The following IL1RAPL1 variants were observed in gnomAD, a reference collection of about 807,000 sequenced individuals.
IL1RAPL1 encodes interleukin-1 receptor accessory protein-like 1.
Under a neutral mutation model 48.4 loss-of-function variants are expected in IL1RAPL1, and 3 were observed. The ratio of observed to expected loss-of-function variants is 0.06; its 90% CI spans 0.03 to 0.16. The LOEUF is 0.16. Among genes scored for constraint, IL1RAPL1 ranks in the 10% least tolerant of loss-of-function variants. IL1RAPL1 has a pLI of 1.00. For missense variants in IL1RAPL1, 349 were observed against 530.6 expected (o/e 0.66, Z 3.36); for synonymous variants, 185 against 187.7 (o/e 0.99, Z 0.12).
At position 28,789,353 on chromosome X, in the gene IL1RAPL1, C is replaced by T. The variant is rs148886996; in HGVS notation, c.10C>T (p.Pro4Ser). The T allele has an allele frequency of 2.5e-6, 3 of 1,208,070 alleles. No homozygotes were observed. Among genetic ancestry groups the T allele is most frequent in the Non-Finnish European group, 3.4e-6 (3 of 892,315 alleles). The change falls in exon 2 of 11, where the codon CCG (proline) becomes TCG (serine). Residue 4 changes from proline (P) to serine (S), a missense_variant. This residue lies in a region of IL1RAPL1 where 238 missense variants were observed against 337.8 expected (regional missense o/e 0.70). Transcript: ENST00000378993. ...CTTTAAGAGCTGGAAGATGAAAGCTCCGATTCCACACTTGATTCTCTTATA... is the reference window on the plus strand; with the variant it reads ...CTTTAAGAGCTGGAAGATGAAAGCTTCGATTCCACACTTGATTCTCTTATA... MKA[P>S]IPHLILLYAT...
intron 2 of IL1RAPL1, among the ~76,000 whole-genome samples, chrX:28,936,792 T>TA (rs1287236369): frequency 9.0e-6 from 1 of 110,881 alleles, no homozygotes; most frequent in Non-Finnish European, 1.9e-5. Flanking sequence ...CTTTCAACTC[T>TA]AAAATTATAT....
chrX:29,332,643 TATTTA>T (rs1309929094), intron 3 of IL1RAPL1, among the ~76,000 whole-genome samples: 4 of 95,729 alleles, frequency 4.2e-5, no homozygotes, highest in East Asian at 2.8e-4. Context: ...TTTATTTATT[TATTTA>T]TTTTATTTTT....
chrX:29,449,075 T>G (rs1934644853), intron 5 of IL1RAPL1, among the ~76,000 whole-genome samples: 2 of 111,313 alleles, frequency 1.8e-5, no homozygotes, highest in South Asian at 7.6e-4. Flanking sequence ...AGGGAACATA[T>G]TCAGTCCATA....
chrX:29,190,401 G>A (rs1386439734), intron 2 of IL1RAPL1, among the ~76,000 whole-genome samples: 1 of 111,977 alleles, frequency 8.9e-6, no homozygotes, highest in Non-Finnish European at 1.9e-5. Flanking sequence ...CATATTCCTT[G>A]CACGGACTAT....
chrX:28,742,657 A>G (rs1601883316), intron 1 of IL1RAPL1, among the ~76,000 whole-genome samples: 1 of 111,768 alleles, frequency 8.9e-6, no homozygotes, highest in Non-Finnish European at 1.9e-5. Context: ...GCATATTTCA[A>G]ATGGCTGTTA....
At position 29,430,581 on chromosome X, in the gene IL1RAPL1, G is replaced by GTA. The variant is rs10534053; in HGVS notation, c.703+31285_703+31286dup. Among the ~76,000 whole-genome samples the GTA allele has an allele frequency of 7.6e-5, 8 of 105,115 alleles. No individual in the cohort carries two copies. In the South Asian group the frequency reaches 1.3e-3, roughly 17 times the overall value. 91.3% of individuals were successfully genotyped at this position (105,115 alleles called of 115,157 possible). Reference sequence around the variant, plus strand: ...AAAATATATGACACTTTATATATGTGTATATATATATATGTGTGTGTGTGT... The same window carrying GTA: ...AAAATATATGACACTTTATATATGTGTATATATATATATATGTGTGTGTGTGT... On this transcript the variant is annotated intron_variant, in intron 5 of 10. Coordinates refer to ENST00000378993, the MANE Select transcript of IL1RAPL1 (RefSeq NM_014271.4).
intron 8 of IL1RAPL1, among the ~76,000 whole-genome samples, chrX:29,928,264 ATAAT>A (rs947682333): frequency 1.8e-5 from 2 of 112,063 alleles, no homozygotes; most frequent in African/African-American, 6.5e-5. Flanking sequence ...TGTAGAAAAA[ATAAT>A]TAAGTTTAAA....
intron 2 of IL1RAPL1, among the ~76,000 whole-genome samples, chrX:29,107,804 C>A (rs1008915782): frequency 1.1e-4 from 12 of 112,138 alleles, no homozygotes; most frequent in Non-Finnish European, 1.5e-4. Flanking sequence ...TGCTAAAATG[C>A]TGGTCGTTGG....
In IL1RAPL1 at chrX:29,803,050, T is replaced by C. The variant is rs186746148; in HGVS notation, c.779-114414T>C. On this transcript the variant is annotated intron_variant, in intron 6 of 10. Coordinates refer to ENST00000378993, the MANE Select transcript of IL1RAPL1 (RefSeq NM_014271.4). ...ACATGTATGCATATATACATATATG[T>C]GTACATATATATGTATGCATGTATA... Among the ~76,000 whole-genome samples, 230 of 82,075 alleles carry C rather than the reference T, an allele frequency of 2.8e-3. 8 individuals are homozygous for C. The highest frequency in any genetic ancestry group is 0.01 in the African/African-American group (207 of 19,779). 71.3% of individuals were successfully genotyped at this position (82,075 alleles called of 115,157 possible).
intron 2 of IL1RAPL1, among the ~76,000 whole-genome samples, chrX:28,978,146 G>A (rs931357809): frequency 3.6e-5 from 4 of 111,686 alleles, no homozygotes; most frequent in African/African-American, 1.3e-4. Flanking sequence ...GAAGAAATTG[G>A]TGATGCAGGA....
intron 1 of IL1RAPL1, among the ~76,000 whole-genome samples, chrX:28,748,615 C>T (rs1309456879): frequency 9.0e-6 from 1 of 111,295 alleles, no homozygotes; most frequent in Non-Finnish European, 1.9e-5. Context: ...CAAAATAAAC[C>T]TTCAAATGTA....
intron 2 of IL1RAPL1, among the ~76,000 whole-genome samples, chrX:29,142,732 G>C (rs1602077971): frequency 9.3e-6 from 1 of 107,111 alleles, no homozygotes; most frequent in Admixed American, 1.0e-4. Flanking sequence ...TCTTGCTCTT[G>C]CTCTGTTGCC....
chrX:28,764,330 C>A (rs1039038335), intron 1 of IL1RAPL1, among the ~76,000 whole-genome samples: 1 of 111,361 alleles, frequency 9.0e-6, no homozygotes, highest in Non-Finnish European at 1.9e-5. Context: ...CCTAAGATAA[C>A]AACAAAGCTG....
chrX:28,650,485 C>G (rs748942530), intron 1 of IL1RAPL1, among the ~76,000 whole-genome samples: 3 of 111,588 alleles, frequency 2.7e-5, no homozygotes, highest in Non-Finnish European at 3.8e-5. Flanking sequence ...TGGGAAAGAC[C>G]TGCCCCCATG....
At chrX:28,853,927 TATC>T (rs1921737651) in intron 2 of IL1RAPL1, among the ~76,000 whole-genome samples, 1 of 111,758 alleles carries the variant, frequency 8.9e-6, no homozygotes, top group Non-Finnish European at 1.9e-5. Context: ...AATTTGATAA[TATC>T]ATCATAGTGA....
chrX:29,431,445 T>C (rs1047720726), intron 5 of IL1RAPL1, among the ~76,000 whole-genome samples: 6 of 112,042 alleles, frequency 5.4e-5, no homozygotes, highest in Admixed American at 9.5e-5. Flanking sequence ...GCAGTACGCA[T>C]GTTAATAAGT....
chrX:28,588,792 A>G (rs1933876726), intron 1 of IL1RAPL1, among the ~76,000 whole-genome samples: 1 of 112,395 alleles, frequency 8.9e-6, no homozygotes, highest in Non-Finnish European at 1.9e-5. Context: ...CTCAAGTTCA[A>G]TTGCCCAATA....
chrX:28,982,174 C>T (rs1925359205), intron 2 of IL1RAPL1, among the ~76,000 whole-genome samples: 1 of 111,918 alleles, frequency 8.9e-6, no homozygotes, highest in Non-Finnish European at 1.9e-5. Flanking sequence ...ACAACACTTT[C>T]AGTGTAGGTG....
chrX:29,272,779 G>A (rs1317243739), intron 2 of IL1RAPL1, among the ~76,000 whole-genome samples: 2 of 111,734 alleles, frequency 1.8e-5, no homozygotes, highest in East Asian at 5.6e-4. Context: ...ATGCCAGTGA[G>A]TCATAGATTT....
Sources: gnomAD v4.1 joint callset for allele counts (sites outside exome capture counted in the v4.1 genomes callset) on GRCh38, gnomAD v4.1.1 for gene constraint, gnomAD v4.1.1 regional missense constraint, MANE v1.5 for transcripts, NCBI Gene and HGNC (gene_info 2026-07-23, HGNC 2026-07-21) for gene names.